SLC4A1AP: variants seen among roughly 807,000 people sequenced by gnomAD.
The protein encoded by SLC4A1AP is kanadaptin.
In SLC4A1AP, 64 loss-of-function variants were observed where a neutral mutation model predicts 89.7. The observed-to-expected ratio is 0.71, with a 90% CI of 0.58 to 0.88. The LOEUF (loss-of-function observed/expected upper bound fraction) is 0.88, where lower values mean the gene tolerates loss of function less well. SLC4A1AP is among the 40% of genes least tolerant of loss of function. The probability of loss-of-function intolerance (pLI) is 0.00; values close to 1 mark genes in which losing one functional copy is unlikely to be tolerated. For missense variants in SLC4A1AP, 931 were observed against 965.0 expected (o/e 0.96, Z 0.47); for synonymous variants, 366 against 353.3 (o/e 1.04, Z -0.40).
intron 12 of SLC4A1AP, chr2:27,692,908 T>G (rs1176766891): frequency 6.6e-6 from 1 of 152,080 alleles, no homozygotes; most frequent in Non-Finnish European, 1.5e-5. Flanking sequence ...CTCTTGAAGA[T>G]GGCAGATATT....
exon 12 of SLC4A1AP, chr2:27,688,721 A>C: frequency 6.2e-7 from 1 of 1,603,714 alleles, no homozygotes; most frequent in South Asian, 1.1e-5. Flanking sequence ...GAATATGAGA[A>C]AAGCAGAGGT....
intron 5 of SLC4A1AP, 59 bp downstream of exon 5, chr2:27,669,446 G>A (rs1336429218): frequency 4.2e-6 from 6 of 1,424,252 alleles, no homozygotes; most frequent in South Asian, 1.6e-5. Context: ...CAACACAAAC[G>A]CTAATAAAAC....
At chr2:27,667,615 C>T (rs1675352505) in intron 3 of SLC4A1AP, among the ~76,000 whole-genome samples, 1 of 151,956 alleles carries the variant, frequency 6.6e-6, no homozygotes, top group Non-Finnish European at 1.5e-5. Flanking sequence ...AGTCTTTCTT[C>T]TTATCTTAAA....
intron 6 of SLC4A1AP, 121 bp downstream of exon 6, chr2:27,675,813 A>T (rs1051621011): frequency 7.9e-5 from 49 of 622,498 alleles, no homozygotes; most frequent in African/African-American, 1.9e-5. Flanking sequence ...TCTGATACTG[A>T]AGTATAACTT....
chr2:27,666,948 A>G (rs758228970), intron 2 of SLC4A1AP, among the ~76,000 whole-genome samples: 1 of 150,880 alleles, frequency 6.6e-6, no homozygotes, highest in Non-Finnish European at 1.5e-5. Context: ...GCTCACTACA[A>G]CTTCTTCCTC....
At chr2:27,692,187 T>G (rs1399569192) in intron 12 of SLC4A1AP, 1 of 152,210 alleles carries the variant, frequency 6.6e-6, no homozygotes, top group African/African-American at 2.4e-5. Flanking sequence ...TCCCAGAGGT[T>G]TTGATAACTT....
At chr2:27,687,614 G>T (rs530659093) in intron 10 of SLC4A1AP, among the ~76,000 whole-genome samples, 1 of 151,988 alleles carries the variant, frequency 6.6e-6, no homozygotes, top group African/African-American at 2.4e-5. Context: ...AATTTTGGTG[G>T]TCATCTCTGA....
At position 27,675,617 on chromosome 2, in the gene SLC4A1AP, G is replaced by A. The variant is rs1333978869; in HGVS notation, c.1431G>A (p.Leu477=). Residue 477 remains leucine, a synonymous_variant, in exon 6 of 14, where the codon CTG becomes CTA. Transcript: ENST00000613058. ...ACACATTTCTTGATAGGACTGGCCT[G>A]ATTGAGAAGAAGCGTCTGAACAGAA... The A allele has an allele frequency of 1.9e-6, 3 of 1,611,600 alleles. No homozygotes were observed. The East Asian group carries it at 6.7e-5, about 36-fold the overall frequency.
chr2:27,669,884 A>T (rs1263697263), intron 5 of SLC4A1AP, among the ~76,000 whole-genome samples: 1 of 151,864 alleles, frequency 6.6e-6, no homozygotes, highest in African/African-American at 2.4e-5. Context: ...TTATTTTGAG[A>T]TGGAGTTTCA....
chr2:27,664,670 T>C, intron 1 of SLC4A1AP, 93 bp downstream of exon 1: 1 of 970,030 alleles, frequency 1.0e-6, no homozygotes. Context: ...AATCTCCCAC[T>C]CAGCGATTAC....
intron 6 of SLC4A1AP, among the ~76,000 whole-genome samples, chr2:27,676,591 G>T (rs1309921654): frequency 6.6e-6 from 1 of 152,086 alleles, no homozygotes; most frequent in African/African-American, 2.4e-5. Flanking sequence ...GGAGGCTGAG[G>T]CCGGTGGATC....
intron 6 of SLC4A1AP, among the ~76,000 whole-genome samples, chr2:27,676,844 A>C (rs1339456081): frequency 1.3e-5 from 2 of 151,816 alleles, no homozygotes; most frequent in Non-Finnish European, 2.9e-5. Flanking sequence ...AAAAAAAAAA[A>C]AAACTATTAA....
At chr2:27,679,715 A>G (rs2148136415) in intron 8 of SLC4A1AP, among the ~76,000 whole-genome samples, 1 of 152,340 alleles carries the variant, frequency 6.6e-6, no homozygotes, top group East Asian at 1.9e-4. Flanking sequence ...TAACAAAAGC[A>G]AGGTGCAGAA....
chr2:27,671,346 T>C (rs748633149), intron 5 of SLC4A1AP, among the ~76,000 whole-genome samples: 2 of 152,218 alleles, frequency 1.3e-5, no homozygotes, highest in Non-Finnish European at 2.9e-5. Flanking sequence ...TATGCAAATA[T>C]TAGTTATAAC....
At chr2:27,668,091 C>T (rs1675363505) in intron 3 of SLC4A1AP, among the ~76,000 whole-genome samples, 1 of 151,882 alleles carries the variant, frequency 6.6e-6, no homozygotes, top group Admixed American at 6.6e-5. Flanking sequence ...AGACAATAAT[C>T]CCTAGGAATG....
intron 5 of SLC4A1AP, among the ~76,000 whole-genome samples, chr2:27,670,599 G>T (rs1462345343): frequency 6.6e-6 from 1 of 151,710 alleles, no homozygotes; most frequent in South Asian, 2.1e-4. Context: ...GCTCACGCCT[G>T]TAATCCCAGC....
chr2:27,676,178 GA>G lies in SLC4A1AP; in HGVS notation c.1506+493del, dbSNP rs60057764. 3.7e-4 allele frequency among the ~76,000 whole-genome samples: 56 copies of G among 152,198 alleles called. 2 individuals are homozygous for G. The East Asian group carries it at 0.011, about 29-fold the overall frequency. On this transcript the variant is annotated intron_variant, in intron 6 of 13. Transcript: ENST00000613058. ...AGGTAATAGGCTACCTATTAGACTAGAAAAAAACATAAGATTAATAATGCAG... is the reference window on the plus strand; with the variant it reads ...AGGTAATAGGCTACCTATTAGACTAGAAAAAACATAAGATTAATAATGCAG...
At chr2:27,678,626 C>G (rs1474339285) in intron 8 of SLC4A1AP, among the ~76,000 whole-genome samples, 1 of 152,022 alleles carries the variant, frequency 6.6e-6, no homozygotes, top group African/African-American at 2.4e-5. Flanking sequence ...TGTCTACTCA[C>G]AGGCCACAGG....
intron 5 of SLC4A1AP, among the ~76,000 whole-genome samples, chr2:27,671,939 A>C (rs1028589176): frequency 5.3e-5 from 8 of 152,246 alleles, no homozygotes; most frequent in African/African-American, 7.2e-5. Flanking sequence ...CCTGATTAAT[A>C]GTTTGGCTGG....
Sources: gnomAD v4.1 joint callset for allele counts (sites outside exome capture counted in the v4.1 genomes callset) on GRCh38, gnomAD v4.1.1 for gene constraint, MANE v1.5 for transcripts, NCBI Gene and HGNC (gene_info 2026-07-23, HGNC 2026-07-21) for gene names.